Variants in ACER2 observed in about 807,000 individuals in gnomAD.
The protein encoded by ACER2 is alkCDase 2.
Under a neutral mutation model 34.7 loss-of-function variants are expected in ACER2, and 26 were observed. The observed-to-expected ratio is 0.75, with a 90% CI of 0.55 to 1.04. The LOEUF (loss-of-function observed/expected upper bound fraction) is 1.04. Among genes scored for constraint, ACER2 ranks in the 50% least tolerant of loss-of-function variants. The pLI, the probability that ACER2 is intolerant of heterozygous loss-of-function variation, is 0.00. For missense variants in ACER2, 352 were observed against 340.8 expected, an observed-to-expected ratio of 1.03 and a Z score of -0.26; for synonymous variants, 138 against 132.1, an observed-to-expected ratio of 1.04 and a Z score of -0.31.
At position 19,446,084 on chromosome 9, in the gene ACER2, A is replaced by G; in HGVS notation, c.504-197A>G. ...AGTCAGGAGAGAAGCCTGGGTGGGA[A>G]GGGTGTCTGTGAGCCATCTGTGTAC... On this transcript the variant is annotated intron_variant, in intron 4 of 5. Transcript: ENST00000340967. The G allele has an allele frequency of 1.1e-5, 9 of 830,152 alleles. 1 individual carries two copies. The highest frequency in any genetic ancestry group is 1.1e-4 in the South Asian group (8 of 74,810). 51.4% of individuals were successfully genotyped at this position (830,152 alleles called of 1,614,324 possible). A position where few individuals can be genotyped will look rare whatever the true frequency, so the allele number is the denominator to read the frequency against.
intron 3 of ACER2, among the ~76,000 whole-genome samples, chr9:19,434,633 T>C (rs1432171508): frequency 1.3e-5 from 2 of 152,084 alleles, no homozygotes; most frequent in South Asian, 4.1e-4. Flanking sequence ...ACCAGTCAGG[T>C]GTGGCGGTGC....
intron 3 of ACER2, among the ~76,000 whole-genome samples, chr9:19,428,451 A>T: frequency 6.6e-6 from 1 of 152,134 alleles, no homozygotes. Flanking sequence ...TACAGGTATG[A>T]GCCACCATAT....
intron 3 of ACER2, among the ~76,000 whole-genome samples, chr9:19,429,035 G>A (rs977654186): frequency 7.9e-5 from 12 of 151,514 alleles, no homozygotes; most frequent in African/African-American, 1.7e-4. Flanking sequence ...TGATCCGCTC[G>A]CCTCGGCCTC....
At chr9:19,445,632 A>G (rs1018126487) in intron 4 of ACER2, among the ~76,000 whole-genome samples, 1 of 152,252 alleles carries the variant, frequency 6.6e-6, no homozygotes, top group African/African-American at 2.4e-5. Flanking sequence ...ATGGTCTTGC[A>G]GGAGCATGCT....
chr9:19,424,040 C>G, intron 2 of ACER2, 64 bp downstream of exon 2: 1 of 1,261,112 alleles, frequency 7.9e-7, no homozygotes, highest in Non-Finnish European at 1.2e-6. Context: ...GAAGGAATTC[C>G]ACACACTTCC....
intron 1 of ACER2, 135 bp downstream of exon 1, chr9:19,409,327 A>AC: frequency 1.3e-6 from 1 of 769,794 alleles, no homozygotes; most frequent in Non-Finnish European, 2.1e-6. Flanking sequence ...GTCAGTCCAC[A>AC]CCCCCTCCTC....
intron 1 of ACER2, among the ~76,000 whole-genome samples, chr9:19,415,685 C>A (rs770818748): frequency 6.6e-6 from 1 of 152,002 alleles, no homozygotes; most frequent in Admixed American, 6.6e-5. Context: ...AAAGCCATTG[C>A]GGGACAGCTT....
At chr9:19,426,364 CT>C (rs2132482305) in intron 3 of ACER2, among the ~76,000 whole-genome samples, 1 of 85,052 alleles carries the variant, frequency 1.2e-5, no homozygotes, top group South Asian at 4.4e-4. Flanking sequence ...CTCTTTCTCT[CT>C]CTCTCTCTCT....
chr9:19,441,285 A>G (rs1048621203), intron 4 of ACER2, among the ~76,000 whole-genome samples: 8 of 152,072 alleles, frequency 5.3e-5, no homozygotes, highest in African/African-American at 9.7e-5. Context: ...TGCTGACCTC[A>G]TGATCTGCCC....
intron 1 of ACER2, among the ~76,000 whole-genome samples, chr9:19,409,575 C>T (rs868622504): frequency 6.6e-6 from 1 of 152,072 alleles, no homozygotes; most frequent in South Asian, 2.1e-4. Context: ...GCGTGACGCA[C>T]TTGGGTCGCA....
At chr9:19,424,297 A>G (rs10964131) in intron 2 of ACER2, 139,013 of 918,750 alleles carry the variant, frequency 0.15, 10,873 homozygotes, top group South Asian at 0.26. Context: ...CTAAAATTAA[A>G]GAAAAAAATG....
intron 3 of ACER2, among the ~76,000 whole-genome samples, chr9:19,431,921 G>C (rs1465568427): frequency 2.0e-5 from 3 of 152,170 alleles, no homozygotes; most frequent in African/African-American, 7.2e-5. Context: ...TGTTCCAGGG[G>C]CTCTTGGCCA....
At chr9:19,446,795 G>A in intron 5 of ACER2, 2 of 314,534 alleles carry the variant, frequency 6.4e-6, no homozygotes, top group Non-Finnish European at 9.2e-6. Flanking sequence ...GGCTGGGAGG[G>A]TCCTCAGTGG....
At chr9:19,431,837 G>A (rs547834903) in intron 3 of ACER2, among the ~76,000 whole-genome samples, 1 of 152,292 alleles carries the variant, frequency 6.6e-6, no homozygotes, top group South Asian at 2.1e-4. Context: ...AGATAAATTT[G>A]TATTTTGAGG....
rs115288782 is a variant in ACER2, at chr9:19,446,728, G to C, written c.641+310G>C. On this transcript the variant is annotated intron_variant, in intron 5 of 5. Transcript: ENST00000340967. ...AACTGAACCTGTAACCTGAGCTCTA[G>C]CTAGGTGTTGGGGGAGGGGAGAGGT... 483 of 766,402 alleles carry C rather than the reference G, an allele frequency of 6.3e-4. 1 individual carries two copies. In the African/African-American group the frequency reaches 8.5e-3, roughly 13 times the overall value. The allele number at this position is 766,402 out of a possible 1,614,324, so 47.5% of individuals were successfully genotyped here.
intron 2 of ACER2, 146 bp from the exon 3 acceptor site, chr9:19,424,554 G>C: frequency 6.8e-7 from 1 of 1,472,096 alleles, no homozygotes; most frequent in Non-Finnish European, 8.9e-7. Flanking sequence ...TGGGTGGTGT[G>C]AGTTTCTTTC....
chr9:19,417,106 G>T (rs1830262969), intron 1 of ACER2, among the ~76,000 whole-genome samples: 1 of 152,132 alleles, frequency 6.6e-6, no homozygotes, highest in South Asian at 2.1e-4. Flanking sequence ...CAAATCACAA[G>T]TGAACTCCCA....
intron 4 of ACER2, among the ~76,000 whole-genome samples, chr9:19,441,444 C>A (rs10964138): frequency 0.069 from 10,544 of 152,246 alleles, 462 homozygotes; most frequent in Non-Finnish European, 0.1. Flanking sequence ...CTGATCACTC[C>A]CACAAGAAGC....
chr9:19,433,639 C>T (rs1473087429), intron 3 of ACER2, among the ~76,000 whole-genome samples: 1 of 152,284 alleles, frequency 6.6e-6, no homozygotes, highest in African/African-American at 2.4e-5. Flanking sequence ...CCACCATTGT[C>T]ATCCTGGCCC....
Sources: allele counts gnomAD v4.1 joint callset (sites outside exome capture counted in the v4.1 genomes callset), GRCh38; gene constraint gnomAD v4.1.1; transcripts MANE v1.5; gene names NCBI Gene and HGNC (gene_info 2026-07-23, HGNC 2026-07-21).